Variants in TLK1 observed in about 807,000 individuals in gnomAD.
TLK1 encodes the protein serine/threonine-protein kinase tousled-like 1.
TLK1 carries 24 observed loss-of-function variants against 105.3 expected under a neutral mutation model. The ratio of observed to expected loss-of-function variants is 0.23; its 90% confidence interval spans 0.17 to 0.32. The LOEUF is 0.32. TLK1 is among the 10% of genes least tolerant of loss of function. TLK1 has a pLI of 1.00. For synonymous variants in TLK1, 321 were observed against 310.4 expected, an observed-to-expected ratio of 1.03 and a Z score of -0.36; for missense variants, 558 against 910.5, an observed-to-expected ratio of 0.61 and a Z score of 4.98.
At position 171,006,866 on chromosome 2, in the gene TLK1, AT is replaced by A; in HGVS notation, c.1531del (p.Ile511TyrfsTer10). ...YHKHACREYR[I>X]HKELDHPRIV... The stretch of plus-strand genomic sequence containing the variant: ...TCTGGGGTGATCCAGTTCTTTGTGT[AT>A]TCTATACTCTCTGCAGGCATGTCTA... On this transcript the variant is annotated frameshift_variant, in exon 16 of 21. Transcript: ENST00000431350. LOFTEE classifies it high-confidence loss of function. The A allele has an allele frequency of 1.9e-6, 3 of 1,612,678 alleles. No homozygotes were observed. The highest frequency in any genetic ancestry group is 2.5e-6 in the Non-Finnish European group (3 of 1,179,018).
rs778566612 is a variant in TLK1, at chr2:171,049,899, G to A, written c.895C>T (p.Arg299Cys). 6.1e-5 allele frequency: 98 copies of A among 1,613,666 alleles called. No homozygotes were observed. Among genetic ancestry groups the A allele is most frequent in the Middle Eastern group, 1.6e-4 (1 of 6,082 alleles). The change falls in exon 10 of 21, where the codon CGC becomes TGC. Residue 299 changes from arginine to cysteine, a missense_variant. Around this residue, in one of 5 missense-constraint regions of TLK1, gnomAD observed 196 missense variants for 239.3 expected, o/e 0.82. Coordinates refer to ENST00000431350, the MANE Select transcript of TLK1 (RefSeq NM_012290.5). ...CTAACTGTTGTAAAGTGCCCGAGGC[G>A]TAATCGATCTTGCATACTCTTCTCT... is the stretch of plus-strand genomic sequence containing the variant. ...SREKSMQDRL[R>C]LGHFTTVRHG...
chr2:171,089,859 C>T (rs554870251), intron 2 of TLK1, among the ~76,000 whole-genome samples: 3 of 152,210 alleles, frequency 2.0e-5, no homozygotes, highest in South Asian at 4.1e-4. Context: ...AATAATACCA[C>T]AAAATATTCT....
chr2:171,101,108 G>T (rs1689669643), intron 2 of TLK1, among the ~76,000 whole-genome samples: 1 of 152,130 alleles, frequency 6.6e-6, no homozygotes, highest in Non-Finnish European at 1.5e-5. Context: ...AGCACTTTGG[G>T]AGGCCAAGGA....
chr2:171,211,555 C>T (rs1377287579), intron 1 of TLK1, among the ~76,000 whole-genome samples: 3 of 147,464 alleles, frequency 2.0e-5, no homozygotes, highest in East Asian at 3.9e-4. Flanking sequence ...TAAATGGATG[C>T]TTTTTTTTTT....
chr2:171,100,435 A>C (rs1287734790), intron 2 of TLK1, among the ~76,000 whole-genome samples: 1 of 152,146 alleles, frequency 6.6e-6, no homozygotes, highest in Non-Finnish European at 1.5e-5. Context: ...ACGTTGTTAT[A>C]AAGCAAGGTT....
At chr2:171,129,121 C>A (rs923365165) in intron 1 of TLK1, among the ~76,000 whole-genome samples, 3 of 152,190 alleles carry the variant, frequency 2.0e-5, no homozygotes, top group Admixed American at 1.3e-4. Context: ...ATTACCCTCT[C>A]CTCACTACCA....
At chr2:171,058,813 T>C (rs938659821) in intron 4 of TLK1, among the ~76,000 whole-genome samples, 3 of 152,130 alleles carry the variant, frequency 2.0e-5, no homozygotes, top group Non-Finnish European at 2.9e-5. Context: ...GATGCTTTCT[T>C]GGGGGAGAAG....
intron 11 of TLK1, chr2:171,045,294 A>G (rs1313243725): frequency 6.8e-6 from 1 of 146,008 alleles, no homozygotes; most frequent in Non-Finnish European, 1.5e-5. Flanking sequence ...CAATGGCACG[A>G]TCTTGGCTCA....
chr2:171,080,544 AAATAATAATAAT>A (rs71008747), intron 3 of TLK1, among the ~76,000 whole-genome samples: 4 of 145,030 alleles, frequency 2.8e-5, no homozygotes, highest in Non-Finnish European at 4.5e-5. Context: ...AGATACACTA[AAATAATAATAAT>A]AATAATAATA....
intron 2 of TLK1, among the ~76,000 whole-genome samples, chr2:171,113,471 C>T (rs1352129047): frequency 2.6e-5 from 4 of 152,092 alleles, no homozygotes; most frequent in Non-Finnish European, 5.9e-5. Context: ...TGGGGTTCCA[C>T]CATGTTCACC....
intron 1 of TLK1, among the ~76,000 whole-genome samples, chr2:171,172,743 G>A (rs1401140161): frequency 6.6e-6 from 1 of 152,092 alleles, no homozygotes; most frequent in African/African-American, 2.4e-5. Context: ...ATAACTAAAA[G>A]TTACCTGAGG....
intron 13 of TLK1, among the ~76,000 whole-genome samples, chr2:171,013,256 G>A (rs535509473): frequency 6.2e-5 from 9 of 144,550 alleles, no homozygotes; most frequent in African/African-American, 1.8e-4. Context: ...CAAGAGATCC[G>A]CCCACCTCAG....
rs767212641 is a variant in TLK1 at position 171,058,200 on chromosome 2, A to G, written c.407-3T>C. The G allele has an allele frequency of 1.2e-6, 2 of 1,613,462 alleles. No homozygotes were observed. Among genetic ancestry groups the G allele is most frequent in the Non-Finnish European group, 1.7e-6 (2 of 1,179,492 alleles). On this transcript the variant is annotated splice_polypyrimidine_tract_variant and splice_region_variant and intron_variant, in intron 4 of 20. Coordinates refer to ENST00000431350, the MANE Select transcript of TLK1 (RefSeq NM_012290.5). Reference sequence around the variant, plus strand: ...GCCACGTCCCCCAATACTTTTTCCTAAAATATAAGAAGCGCATGATGTTAG... The same window carrying G: ...GCCACGTCCCCCAATACTTTTTCCTGAAATATAAGAAGCGCATGATGTTAG...
chr2:171,216,033 A>T (rs1693707228), intron 1 of TLK1, among the ~76,000 whole-genome samples: 1 of 152,212 alleles, frequency 6.6e-6, no homozygotes, highest in South Asian at 2.1e-4. Flanking sequence ...ACAATTCTGT[A>T]AATTCTGTTA....
intron 18 of TLK1, among the ~76,000 whole-genome samples, chr2:171,002,792 C>T (rs552062583): frequency 5.9e-5 from 9 of 151,940 alleles, no homozygotes; most frequent in Non-Finnish European, 1.3e-4. Context: ...TGTGCCACCA[C>T]ATTTGGCTAA....
At chr2:171,143,227 ATT>A (rs1691656101) in intron 1 of TLK1, among the ~76,000 whole-genome samples, 2 of 152,062 alleles carry the variant, frequency 1.3e-5, no homozygotes. Flanking sequence ...TATAAAATGT[ATT>A]TTCCTTATCT....
intron 2 of TLK1, among the ~76,000 whole-genome samples, chr2:171,087,011 G>C (rs1303986384): frequency 6.6e-6 from 1 of 152,078 alleles, no homozygotes; most frequent in African/African-American, 2.4e-5. Flanking sequence ...CCTCTGCAGG[G>C]AGACATAGCT....
At position 171,160,672 on chromosome 2, in the gene TLK1, G is replaced by T; in HGVS notation, c.-244C>A. 3.4e-6 allele frequency: 2 copies of T among 586,706 alleles called. No individual in the cohort carries two copies. Among genetic ancestry groups the T allele is most frequent in the Non-Finnish European group, 5.5e-6 (2 of 361,530 alleles). 36.3% of individuals were successfully genotyped at this position (586,706 alleles called of 1,614,324 possible). A position where few individuals can be genotyped will look rare whatever the true frequency, so the allele number is the denominator to read the frequency against. ...GAGAAGCGAGGGAGCGAGCGGGCGCGCCAGAGGAGAGGAGGAGGAAAGGAG... is the reference window on the plus strand; with the variant it reads ...GAGAAGCGAGGGAGCGAGCGGGCGCTCCAGAGGAGAGGAGGAGGAAAGGAG... On this transcript the variant is annotated 5_prime_UTR_variant, in exon 1 of 21. Coordinates refer to ENST00000431350, the MANE Select transcript of TLK1 (RefSeq NM_012290.5). This position sits in a 1 kb window ranked among gnomAD's most constrained non-coding sequence, Gnocchi z 4.4.
chr2:171,127,408 C>T (rs1279266058), intron 1 of TLK1, among the ~76,000 whole-genome samples: 1 of 151,980 alleles, frequency 6.6e-6, no homozygotes, highest in Non-Finnish European at 1.5e-5. Context: ...TTTTCATTGA[C>T]AATATTTTGT....
Sources: gnomAD v4.1 joint callset for allele counts (sites outside exome capture counted in the v4.1 genomes callset) on GRCh38, gnomAD v4.1.1 for gene constraint, gnomAD v4.1.1 regional missense constraint, Gnocchi (gnomAD v3.1) non-coding constraint, MANE v1.5 for transcripts, NCBI Gene and HGNC (gene_info 2026-07-23, HGNC 2026-07-21) for gene names.